The following SUFU variants were observed in gnomAD, a reference collection of about 807,000 sequenced individuals.
The protein encoded by SUFU is SUFU negative regulator of hedgehog signaling, also known as suppressor of fused homolog.
A neutral mutation model predicts 58.9 loss-of-function variants in SUFU; 7 were observed. That is an observed-to-expected ratio of 0.12 (90% confidence interval 0.07 to 0.22). The LOEUF (loss-of-function observed/expected upper bound fraction) is 0.22. SUFU is among the 10% of genes least tolerant of loss of function. The pLI is 1.00. For missense variants in SUFU, 451 were observed against 641.3 expected, an observed-to-expected ratio of 0.70 and a Z score of 3.20; for synonymous variants, 232 against 254.8, an observed-to-expected ratio of 0.91 and a Z score of 0.85.
At chr10:102,550,139 C>T (rs780247301) in intron 3 of SUFU, 33 bp downstream of exon 3, 26 of 1,613,764 alleles carry the variant, frequency 1.6e-5, no homozygotes, top group Non-Finnish European at 1.9e-5. Context: ...TGTGCTGGTC[C>T]TTTTGCCATG....
intron 3 of SUFU, among the ~76,000 whole-genome samples, chr10:102,565,670 G>A (rs568539468): frequency 9.2e-5 from 14 of 152,160 alleles, no homozygotes; most frequent in African/African-American, 3.4e-4. Context: ...TTAGCCTCCC[G>A]AGTAGCTGGG....
At chr10:102,550,244 G>A in intron 3 of SUFU, 138 bp downstream of exon 3, 1 of 1,400,154 alleles carries the variant, frequency 7.1e-7, no homozygotes, top group Non-Finnish European at 9.8e-7. Context: ...CATGAGGATG[G>A]CTTGTTTTGC....
In SUFU at chr10:102,630,021, C is replaced by T. The variant is rs750424533; in HGVS notation, c.1366-45C>T. The T allele has an allele frequency of 4.2e-5, 66 of 1,565,024 alleles. No individual in the cohort carries two copies. The highest frequency in any genetic ancestry group is 5.6e-5 in the Non-Finnish European group (64 of 1,135,304). ...ATCTCTGGAAAGACCACGGTGTATT[C>T]TGCTAACCACTCACACTCCTGGTCT... On this transcript the variant is annotated intron_variant, in intron 11 of 11. Transcript: ENST00000369902.
intron 5 of SUFU, 89 bp downstream of exon 5, chr10:102,593,810 G>A (rs899605025): frequency 3.5e-5 from 51 of 1,468,174 alleles, no homozygotes; most frequent in African/African-American, 5.6e-5. Context: ...TCCCTCTTGC[G>A]TTGTTATTTC....
At chr10:102,536,919 T>C (rs2135711743) in intron 2 of SUFU, among the ~76,000 whole-genome samples, 1 of 152,110 alleles carries the variant, frequency 6.6e-6, no homozygotes, top group East Asian at 1.9e-4. Flanking sequence ...CCACTGATCC[T>C]CCTGCCTCAG....
intron 3 of SUFU, among the ~76,000 whole-genome samples, chr10:102,570,521 G>T (rs1014118422): frequency 6.9e-6 from 1 of 145,920 alleles, no homozygotes; most frequent in Non-Finnish European, 1.5e-5. Flanking sequence ...ATTTATTAAT[G>T]CTGGGGTTTT....
chr10:102,592,875 T>G (rs1206359961), intron 4 of SUFU, 151 bp downstream of exon 4: 1 of 924,628 alleles, frequency 1.1e-6, no homozygotes. Flanking sequence ...TCAGGTAGAT[T>G]CAGATGGTCT....
At chr10:102,575,075 G>A (rs2063200174) in intron 3 of SUFU, among the ~76,000 whole-genome samples, 1 of 151,650 alleles carries the variant, frequency 6.6e-6, no homozygotes, top group Admixed American at 6.6e-5. Context: ...AAAAAATTAG[G>A]CATGGTGGTG....
At chr10:102,623,832 C>G (rs1422049302) in intron 10 of SUFU, among the ~76,000 whole-genome samples, 1 of 152,032 alleles carries the variant, frequency 6.6e-6, no homozygotes, top group East Asian at 1.9e-4. Flanking sequence ...CCCAGCTACT[C>G]GGGAGGCTGA....
chr10:102,539,054 C>A (rs923284213), intron 2 of SUFU, among the ~76,000 whole-genome samples: 4 of 152,174 alleles, frequency 2.6e-5, no homozygotes, highest in African/African-American at 9.7e-5. Flanking sequence ...GACCAACTGT[C>A]CCCATTTGCC....
intron 2 of SUFU, among the ~76,000 whole-genome samples, chr10:102,528,320 A>G (rs927704687): frequency 1.3e-5 from 2 of 152,134 alleles, no homozygotes; most frequent in Admixed American, 6.5e-5. Context: ...CTGTAATCCT[A>G]ACACTTTGGG....
chr10:102,592,720 T>G lies in SUFU; in HGVS notation c.593T>G (p.Leu198Arg), dbSNP rs1394722312. ...ACACCCTTTGGGGTAGTTACCTTCC[T>G]CCAGGTGAGGCACAGGTTGGACGCT... ...VQTPFGVVTF[L>R]QIVGVCTEEL... Residue 198 changes from leucine (L) to arginine (R), a missense_variant, in exon 4 of 12, where the codon CTC (leucine) becomes CGC (arginine). By Grantham distance (102) the Leu-to-Arg change is moderately radical (BLOSUM62 -2). Transcript: ENST00000369902. 1 of 1,614,032 alleles carries G rather than the reference T, an allele frequency of 6.2e-7. No homozygotes were observed. The highest frequency in any genetic ancestry group is 8.5e-7 in the Non-Finnish European group (1 of 1,180,036).
At chr10:102,506,682 A>G (rs1354954019) in intron 1 of SUFU, among the ~76,000 whole-genome samples, 7 of 152,202 alleles carry the variant, frequency 4.6e-5, no homozygotes, top group Admixed American at 2.6e-4. Context: ...ACCAGCCATC[A>G]GTGACTGGTA....
Position 102,536,030 on chromosome 10 carries a change from A to G in SUFU, c.318-13940A>G, listed in dbSNP as rs575200027. On this transcript the variant is annotated intron_variant, in intron 2 of 11. Coordinates refer to ENST00000369902, the MANE Select transcript of SUFU (RefSeq NM_016169.4). ...CTCGCTTCGGTTAGAGTGCAGTGGCACCATCTCAGCTCACTAGAGCCTCTG... is the reference window on the plus strand; with the variant it reads ...CTCGCTTCGGTTAGAGTGCAGTGGCGCCATCTCAGCTCACTAGAGCCTCTG... Among the ~76,000 whole-genome samples the G allele has an allele frequency of 1.7e-4, 26 of 152,188 alleles. No individual in the cohort carries two copies. The South Asian group carries it at 5.4e-3, about 32-fold the overall frequency.
chr10:102,630,535 C>T lies in SUFU; in HGVS notation c.*380C>T, dbSNP rs1051626296. ...GCCGCACAGCCCAGCAGGAGGGAGG[C>T]GGACAGCCAGATGCAGAGCGAGTGG... is the stretch of plus-strand genomic sequence containing the variant. On this transcript the variant is annotated 3_prime_UTR_variant, in exon 12 of 12. Coordinates refer to ENST00000369902, the MANE Select transcript of SUFU (RefSeq NM_016169.4). 7 of 412,460 alleles carry T rather than the reference C, an allele frequency of 1.7e-5. No homozygotes were observed. Among genetic ancestry groups the T allele is most frequent in the South Asian group, 1.0e-4 (4 of 38,928 alleles). 25.6% of individuals were successfully genotyped at this position (412,460 alleles called of 1,614,324 possible).
chr10:102,521,362 G>A (rs2062549320), intron 2 of SUFU, among the ~76,000 whole-genome samples: 1 of 152,102 alleles, frequency 6.6e-6, no homozygotes, highest in Non-Finnish European at 1.5e-5. Flanking sequence ...CATGGGTTCA[G>A]ACCATGGGGC....
intron 10 of SUFU, chr10:102,618,969 TG>T: frequency 1.1e-6 from 1 of 900,828 alleles, no homozygotes; most frequent in Non-Finnish European, 1.9e-6. Context: ...TGTGTGTGTG[TG>T]TGTGTGTGTA....
At chr10:102,612,072 T>C (rs2063630250) in intron 8 of SUFU, among the ~76,000 whole-genome samples, 1 of 152,250 alleles carries the variant, frequency 6.6e-6, no homozygotes, top group African/African-American at 2.4e-5. Context: ...TGCAAACCTG[T>C]GTCGGCTGCA....
rs1481198227 is a variant in SUFU at position 102,617,637 on chromosome 10, T to A, written c.1296+209T>A. ...AGCTTAGGAGCACTTCCTGACCTTC[T>A]CCCCCTGTCACCTGAGACACAAGTG... On this transcript the variant is annotated intron_variant, in intron 10 of 11. Coordinates refer to ENST00000369902, the MANE Select transcript of SUFU (RefSeq NM_016169.4). The surrounding 1 kb of genome is among the most constrained non-coding windows in gnomAD (Gnocchi z 4.4). 2 of 643,846 alleles carry A rather than the reference T, an allele frequency of 3.1e-6. No individual in the cohort carries two copies. The highest frequency in any genetic ancestry group is 3.7e-5 in the African/African-American group (2 of 54,352). 39.9% of individuals were successfully genotyped at this position (643,846 alleles called of 1,614,324 possible). A position where few individuals can be genotyped will look rare whatever the true frequency, so the allele number is the denominator to read the frequency against.
Sources: gnomAD v4.1 joint callset for allele counts (sites outside exome capture counted in the v4.1 genomes callset) on GRCh38, gnomAD v4.1.1 for gene constraint, Gnocchi (gnomAD v3.1) non-coding constraint, MANE v1.5 for transcripts, NCBI Gene and HGNC (gene_info 2026-07-23, HGNC 2026-07-21) for gene names.